Variants in PNLDC1 observed in about 807,000 individuals in gnomAD.
The protein encoded by PNLDC1 is poly(A)-specific ribonuclease PNLDC1.
PNLDC1 carries 70 observed loss-of-function variants against 82.0 expected under a neutral mutation model. The observed-to-expected ratio is 0.85, with a 90% CI of 0.70 to 1.04. The LOEUF is 1.04. PNLDC1 is among the 50% of genes least tolerant of loss of function. The pLI is 0.00. For missense variants in PNLDC1, 631 were observed against 661.1 expected, an observed-to-expected ratio of 0.95 and a Z score of 0.50; for synonymous variants, 280 against 249.3, an observed-to-expected ratio of 1.12 and a Z score of -1.16.
chr6:159,815,882 T>G (rs1781796111), intron 12 of PNLDC1, 87 bp from the exon 13 acceptor site: 5 of 1,051,936 alleles, frequency 4.8e-6, no homozygotes, highest in Non-Finnish European at 7.1e-6. Flanking sequence ...TTTAAAAAAT[T>G]TATATTAACT....
intron 15 of PNLDC1, 102 bp from the exon 16 acceptor site, chr6:159,818,453 G>T (rs1353090291): frequency 1.8e-5 from 19 of 1,054,822 alleles, no homozygotes; most frequent in Non-Finnish European, 2.5e-5. Context: ...AGAGCCGTCC[G>T]AGGGAGTGTC....
At position 159,800,816 on chromosome 6, in the gene PNLDC1, C is replaced by G; in HGVS notation, c.121C>G (p.Pro41Ala). 6.2e-7 allele frequency: 1 copy of G among 1,614,142 alleles called. No individual in the cohort carries two copies. Among genetic ancestry groups the G allele is most frequent in the Non-Finnish European group, 8.5e-7 (1 of 1,180,024 alleles). ...FTGLRSNLSG[P>A]QQISLFDLPS... is the part of the protein sequence containing the mutation. ...GGGCCTTCGTTCTAACCTGTCTGGG[C>G]CCCAGCAGATCAGGTAAAACTAAAG... Residue 41 changes from proline to alanine, a missense_variant, in exon 2 of 19, where the codon CCC becomes GCC. Coordinates refer to ENST00000392167, the MANE Select transcript of PNLDC1 (RefSeq NM_001271862.2).
rs138018902 is a variant in PNLDC1 at position 159,803,288 on chromosome 6, G to T, written c.226G>T (p.Ala76Ser). Residue 76 changes from alanine to serine, a missense_variant, in exon 4 of 19, where the codon GCT (alanine) becomes TCT (serine). Coordinates refer to ENST00000392167, the MANE Select transcript of PNLDC1 (RefSeq NM_001271862.2). The stretch of plus-strand genomic sequence containing the variant: ...TCTTCCAGGATTGTCTGTGTTTTCC[G>T]CTATTGAAGGAGAGGCAAACAAGTA... ...VCQIGLSVFS[A>S]IEGEANKYIA... 30 of 1,613,822 alleles carry T rather than the reference G, an allele frequency of 1.9e-5. No individual in the cohort carries two copies. The African/African-American group carries it at 3.2e-4, about 17-fold the overall frequency.
chr6:159,807,528 C>T (rs1270333331), intron 7 of PNLDC1, among the ~76,000 whole-genome samples: 1 of 152,214 alleles, frequency 6.6e-6, no homozygotes, highest in African/African-American at 2.4e-5. Context: ...CTTCCCAGTA[C>T]CACAACCTTT....
At chr6:159,815,880 A>T in intron 12 of PNLDC1, 89 bp from the exon 13 acceptor site, 3 of 1,045,494 alleles carry the variant, frequency 2.9e-6, no homozygotes, top group South Asian at 1.4e-5. Flanking sequence ...CATTTAAAAA[A>T]TTTATATTAA....
At chr6:159,803,928 G>A in intron 4 of PNLDC1, 37 bp from the exon 5 acceptor site, 1 of 1,589,382 alleles carries the variant, frequency 6.3e-7, no homozygotes, top group Non-Finnish European at 8.5e-7. Context: ...TTTTTAAATG[G>A]TTGTGGCTTT....
intron 14 of PNLDC1, among the ~76,000 whole-genome samples, 172 bp from the exon 15 acceptor site, chr6:159,816,937 T>C (rs1781855219): frequency 6.6e-6 from 1 of 152,222 alleles, no homozygotes; most frequent in African/African-American, 2.4e-5. Context: ...GGTGCTGGGA[T>C]TACAGGCATG....
intron 12 of PNLDC1, 101 bp downstream of exon 12, chr6:159,813,757 T>A: frequency 9.6e-7 from 1 of 1,037,606 alleles, no homozygotes; most frequent in Non-Finnish European, 1.5e-6. Flanking sequence ...CCATTCACAG[T>A]GATGCCTGCT....
At chr6:159,816,851 G>T (rs770437536) in intron 14 of PNLDC1, among the ~76,000 whole-genome samples, 1 of 152,092 alleles carries the variant, frequency 6.6e-6, no homozygotes, top group Non-Finnish European at 1.5e-5. Flanking sequence ...TTTTTGTAGA[G>T]ATGGGGTTTC....
chr6:159,813,897 C>T (rs192882380), intron 12 of PNLDC1, among the ~76,000 whole-genome samples: 1 of 152,276 alleles, frequency 6.6e-6, no homozygotes, highest in East Asian at 1.9e-4. Flanking sequence ...CAAACAGTTG[C>T]GCGATTACTG....
rs538268794 is a variant in PNLDC1 at position 159,811,880 on chromosome 6, G to A, written c.939+94G>A. On this transcript the variant is annotated intron_variant, in intron 11 of 18. Coordinates refer to ENST00000392167, the MANE Select transcript of PNLDC1 (RefSeq NM_001271862.2). ...TGGGGTTTTTTTCTTGTGTTTTTTT[G>A]TTTTTTTTGTTTTGTTTTGTTTTGT... 9.4e-4 allele frequency: 865 copies of A among 919,316 alleles called. 3 individuals carry two copies. In the African/African-American group the frequency reaches 0.018, roughly 19 times the overall value. 56.9% of individuals were successfully genotyped at this position (919,316 alleles called of 1,614,324 possible). A position where few individuals can be genotyped will look rare whatever the true frequency, so the allele number is the denominator to read the frequency against.
rs767711620 is a variant in PNLDC1, at chr6:159,819,099, C to T, written c.1411C>T (p.Leu471Phe). The stretch of plus-strand genomic sequence containing the variant: ...GCGACTCACAAGAAGCCAGTTCTTA[C>T]TCCTGACCAATAAGTTTAAGGAGTA... ...VRRLTRSQFL[L>F]LTNKFKDARN... is the part of the protein sequence containing the mutation. The change falls in exon 17 of 19, where the codon CTC becomes TTC. Residue 471 changes from leucine (L) to phenylalanine (F), a missense_variant. Coordinates refer to ENST00000392167, the MANE Select transcript of PNLDC1 (RefSeq NM_001271862.2). This position sits in a 1 kb window ranked among gnomAD's most constrained non-coding sequence, Gnocchi z 4.6. The T allele has an allele frequency of 1.9e-6, 3 of 1,613,938 alleles. No individual in the cohort carries two copies. Among genetic ancestry groups the T allele is most frequent in the Non-Finnish European group, 2.5e-6 (3 of 1,180,012 alleles).
intron 12 of PNLDC1, among the ~76,000 whole-genome samples, chr6:159,815,231 ACTGTGGTAGTAGCCC>A (rs1320428166): frequency 2.0e-5 from 3 of 152,134 alleles, no homozygotes; most frequent in Non-Finnish European, 4.4e-5. Flanking sequence ...CAACCAAGGA[ACTGTGGTAGTAGCCC>A]CTGAGTGGTG....
At chr6:159,803,150 C>T in intron 3 of PNLDC1, 121 bp from the exon 4 acceptor site, 1 of 766,772 alleles carries the variant, frequency 1.3e-6, no homozygotes. Context: ...AGATGTTATC[C>T]TGTTGTACAG....
chr6:159,808,344 G>A (rs892295001), intron 7 of PNLDC1, among the ~76,000 whole-genome samples: 9 of 152,160 alleles, frequency 5.9e-5, no homozygotes, highest in African/African-American at 2.2e-4. Flanking sequence ...TTCTCGCTAA[G>A]TTTTTGTTTT....
intron 7 of PNLDC1, among the ~76,000 whole-genome samples, chr6:159,807,889 C>T (rs1477735728): frequency 2.0e-5 from 3 of 151,796 alleles, no homozygotes; most frequent in Admixed American, 6.6e-5. Flanking sequence ...TTTCCACCTA[C>T]ACATCTGCTT....
At chr6:159,816,704 C>T (rs1176063850) in intron 14 of PNLDC1, 108 bp downstream of exon 14, 4 of 977,582 alleles carry the variant, frequency 4.1e-6, no homozygotes, top group African/African-American at 1.6e-5. Context: ...AGGATCTCGG[C>T]TCACTGCAGC....
At chr6:159,808,482 A>G (rs1781526926) in intron 7 of PNLDC1, among the ~76,000 whole-genome samples, 3 of 152,134 alleles carry the variant, frequency 2.0e-5, no homozygotes, top group South Asian at 2.1e-4. Context: ...TGTAACTCAC[A>G]TAAACACAAG....
intron 12 of PNLDC1, 136 bp from the exon 13 acceptor site, chr6:159,815,833 A>G (rs368337219): frequency 9.2e-6 from 6 of 648,860 alleles, no homozygotes; most frequent in East Asian, 2.9e-5. Flanking sequence ...TTACCTGTCC[A>G]TGCTTAGATT....
Sources: allele counts gnomAD v4.1 joint callset (sites outside exome capture counted in the v4.1 genomes callset), GRCh38; gene constraint gnomAD v4.1.1; non-coding constraint Gnocchi (gnomAD v3.1); transcripts MANE v1.5; gene names NCBI Gene and HGNC (gene_info 2026-07-23, HGNC 2026-07-21).